Variants in CLIC4 observed in about 807,000 individuals in gnomAD.
The protein encoded by CLIC4 is CLIC family member 4, also known as chloride intracellular channel protein 4.
In CLIC4, 13 loss-of-function variants were observed where a neutral mutation model predicts 24.6. That is an observed-to-expected ratio of 0.53 (90% CI 0.34 to 0.84). CLIC4 has a LOEUF of 0.84. Among genes scored for constraint, CLIC4 ranks in the 40% least tolerant of loss-of-function variants. CLIC4 has a pLI of 0.01. For missense variants in CLIC4, 227 were observed against 301.7 expected (o/e 0.75, Z 1.83); for synonymous variants, 104 against 111.3 (o/e 0.93, Z 0.41).
chr1:24,802,801 T>C (rs1639505685), intron 2 of CLIC4, among the ~76,000 whole-genome samples: 2 of 151,628 alleles, frequency 1.3e-5, no homozygotes, highest in African/African-American at 2.4e-5. Context: ...AGCCTTGAGC[T>C]CCTGGGCTCA....
intron 3 of CLIC4, among the ~76,000 whole-genome samples, 157 bp from the exon 4 acceptor site, chr1:24,826,853 A>G (rs558666944): frequency 6.6e-6 from 1 of 152,344 alleles, no homozygotes; most frequent in African/African-American, 2.4e-5. Flanking sequence ...CGTAAGGAAA[A>G]AACAGTTTTT....
intron 1 of CLIC4, among the ~76,000 whole-genome samples, chr1:24,782,880 G>A (rs1438567046): frequency 6.6e-6 from 1 of 152,148 alleles, no homozygotes; most frequent in Admixed American, 6.5e-5. Flanking sequence ...TGCAGAGGCT[G>A]TGGTGGGAGG....
intron 1 of CLIC4, among the ~76,000 whole-genome samples, chr1:24,759,780 C>T (rs1394350980): frequency 2.0e-5 from 3 of 152,062 alleles, no homozygotes; most frequent in African/African-American, 4.8e-5. Context: ...GAAACCCCAT[C>T]GTTTTGTGTT....
chr1:24,823,297 G>T (rs974900392), intron 3 of CLIC4, among the ~76,000 whole-genome samples: 4 of 152,084 alleles, frequency 2.6e-5, no homozygotes, highest in Non-Finnish European at 1.5e-5. Flanking sequence ...AAGTATTTTT[G>T]TGTATGTTTT....
chr1:24,751,436 T>A (rs945875531), intron 1 of CLIC4, among the ~76,000 whole-genome samples: 12 of 151,952 alleles, frequency 7.9e-5, no homozygotes, highest in Admixed American at 7.2e-4. Context: ...AGACGGGGTT[T>A]CACTATGTTG....
At chr1:24,755,564 G>T (rs1438278950) in intron 1 of CLIC4, among the ~76,000 whole-genome samples, 1 of 150,856 alleles carries the variant, frequency 6.6e-6, no homozygotes, top group South Asian at 2.1e-4. Context: ...AGCTATGATT[G>T]TGCCACTGCA....
chr1:24,750,017 G>A (rs1252696150), intron 1 of CLIC4, among the ~76,000 whole-genome samples: 1 of 152,224 alleles, frequency 6.6e-6, no homozygotes, highest in Non-Finnish European at 1.5e-5. Context: ...CTGGGAGGCA[G>A]AGGTTGGCTG....
At position 24,822,295 on chromosome 1, in the gene CLIC4, G is replaced by T. The variant is rs527721313; in HGVS notation, c.309-4715G>T. Among the ~76,000 whole-genome samples the T allele has an allele frequency of 8.1e-5, 12 of 148,772 alleles. No homozygotes were observed. In the South Asian group the frequency reaches 2.6e-3, roughly 32 times the overall value. ...AATCAAAGATAGTTTACTTGACTGT[G>T]AACAAGTGGGACCAAAGGTGGTTAT... On this transcript the variant is annotated intron_variant, in intron 3 of 5. Coordinates refer to ENST00000374379, the MANE Select transcript of CLIC4 (RefSeq NM_013943.3).
chr1:24,810,780 G>T (rs1292165298), intron 2 of CLIC4, among the ~76,000 whole-genome samples: 1 of 151,586 alleles, frequency 6.6e-6, no homozygotes, highest in East Asian at 1.9e-4. Context: ...AAAATCCTGA[G>T]AAATTTTAAA....
chr1:24,804,914 A>C (rs1639531668), intron 2 of CLIC4, among the ~76,000 whole-genome samples: 1 of 152,038 alleles, frequency 6.6e-6, no homozygotes, highest in East Asian at 1.9e-4. Flanking sequence ...ACCCTGGCCA[A>C]CATGGTGAAA....
At chr1:24,762,235 T>C (rs1312865112) in intron 1 of CLIC4, among the ~76,000 whole-genome samples, 1 of 152,006 alleles carries the variant, frequency 6.6e-6, no homozygotes, top group African/African-American at 2.4e-5. Flanking sequence ...CTGGGCAACA[T>C]AGCAAGACCC....
chr1:24,795,419 G>A (rs1639386920), intron 1 of CLIC4, among the ~76,000 whole-genome samples: 2 of 152,076 alleles, frequency 1.3e-5, no homozygotes, highest in African/African-American at 2.4e-5. Context: ...CTACTGGGGA[G>A]GCTGAGGCGG....
chr1:24,816,824 T>C (rs533053661), intron 3 of CLIC4, among the ~76,000 whole-genome samples: 14 of 152,318 alleles, frequency 9.2e-5, no homozygotes, highest in Admixed American at 6.5e-4. Context: ...TCCTGGGCAG[T>C]GGGTCTCAAC....
At chr1:24,767,851 A>T (rs3120832) in intron 1 of CLIC4, among the ~76,000 whole-genome samples, 29 of 149,840 alleles carry the variant, frequency 1.9e-4, no homozygotes, top group African/African-American at 5.6e-4. Context: ...ATATATATAT[A>T]TATTTTTTTT....
At position 24,842,734 on chromosome 1, in the gene CLIC4, C is replaced by CT. The variant is rs1639956018; in HGVS notation, c.*1798dup. 1 of 151,928 alleles carries CT rather than the reference C, an allele frequency of 6.6e-6. No homozygotes were observed. Among genetic ancestry groups the CT allele is most frequent in the African/African-American group, 2.4e-5 (1 of 41,344 alleles). 9.4% of individuals were successfully genotyped at this position (151,928 alleles called of 1,614,324 possible). On this transcript the variant is annotated 3_prime_UTR_variant, in exon 6 of 6. Coordinates refer to ENST00000374379, the MANE Select transcript of CLIC4 (RefSeq NM_013943.3). The stretch of plus-strand genomic sequence containing the variant: ...GGTAATTAAATATTGTATGATTTAT[C>CT]TGGTTCAAGGAAGATGCACTATTCA...
chr1:24,778,620 C>T (rs1325084849), intron 1 of CLIC4, among the ~76,000 whole-genome samples: 1 of 152,034 alleles, frequency 6.6e-6, no homozygotes, highest in East Asian at 1.9e-4. Context: ...AAAGGATGGA[C>T]CCTCTGTAAA....
At chr1:24,838,650 G>A (rs1455216923) in intron 4 of CLIC4, among the ~76,000 whole-genome samples, 5 of 152,118 alleles carry the variant, frequency 3.3e-5, no homozygotes, top group African/African-American at 1.2e-4. Flanking sequence ...ACAATCATCT[G>A]TGTAAGTTCA....
At chr1:24,817,317 C>A (rs1411583570) in intron 3 of CLIC4, among the ~76,000 whole-genome samples, 2 of 152,242 alleles carry the variant, frequency 1.3e-5, no homozygotes, top group South Asian at 2.1e-4. Flanking sequence ...TCAGCTAGAT[C>A]TTCTAGATAA....
chr1:24,841,841 T>C lies in CLIC4; in HGVS notation c.*904T>C, dbSNP rs1438699950. The C allele has an allele frequency of 6.6e-6, 1 of 152,634 alleles. No homozygotes were observed. Among genetic ancestry groups the C allele is most frequent in the Non-Finnish European group, 1.5e-5 (1 of 68,030 alleles). 9.5% of individuals were successfully genotyped at this position (152,634 alleles called of 1,614,324 possible). A position where few individuals can be genotyped will look rare whatever the true frequency, so the allele number is the denominator to read the frequency against. On this transcript the variant is annotated 3_prime_UTR_variant, in exon 6 of 6. Coordinates refer to ENST00000374379, the MANE Select transcript of CLIC4 (RefSeq NM_013943.3). Reference sequence around the variant, plus strand: ...CTGTTGAGCAACACTACATAACTGATTTTTAGTTGACTTAGCTATAGCAGT... The same window carrying C: ...CTGTTGAGCAACACTACATAACTGACTTTTAGTTGACTTAGCTATAGCAGT...
Sources: allele counts gnomAD v4.1 joint callset (sites outside exome capture counted in the v4.1 genomes callset), GRCh38; gene constraint gnomAD v4.1.1; transcripts MANE v1.5; gene names NCBI Gene and HGNC (gene_info 2026-07-23, HGNC 2026-07-21).